Variants in RP1 observed in about 807,000 individuals in gnomAD.
RP1 encodes oxygen-regulated protein 1.
RP1 carries 16 observed loss-of-function variants against 14.8 expected under a neutral mutation model. That is an observed-to-expected ratio of 1.08 (90% confidence interval 0.73 to 1.65). The LOEUF (loss-of-function observed/expected upper bound fraction) is 1.65, where lower values mean the gene tolerates loss of function less well. Among genes scored for constraint, RP1 ranks in the 40% most tolerant of loss-of-function variants. The probability of loss-of-function intolerance (pLI) is 0.00; values close to 1 mark genes in which losing one functional copy is unlikely to be tolerated. For synonymous variants in RP1, 876 were observed against 883.6 expected (o/e 0.99, Z 0.15); for missense variants, 2,631 against 2,535.0 (o/e 1.04, Z -0.81).
intron 15 of RP1, among the ~76,000 whole-genome samples, chr8:54,713,970 A>G (rs978962972): frequency 6.6e-6 from 1 of 152,226 alleles, no homozygotes; most frequent in African/African-American, 2.4e-5. Flanking sequence ...ATTTGACCTA[A>G]CAGATTCCAT....
intron 1 of RP1, among the ~76,000 whole-genome samples, chr8:54,570,977 C>A (rs543455205): frequency 2.0e-5 from 3 of 152,296 alleles, no homozygotes; most frequent in African/African-American, 7.2e-5. Flanking sequence ...GTGGCCTAGG[C>A]AGGCAGGAGG....
chr8:54,660,057 AT>A (rs1806852263), intron 6 of RP1, among the ~76,000 whole-genome samples: 1 of 151,962 alleles, frequency 6.6e-6, no homozygotes, highest in African/African-American at 2.4e-5. Flanking sequence ...TTGAGTGTTG[AT>A]TTTGTTGTTT....
At chr8:54,780,559 A>G (rs1404845343) in intron 23 of RP1, among the ~76,000 whole-genome samples, 2 of 152,204 alleles carry the variant, frequency 1.3e-5, no homozygotes, top group Non-Finnish European at 2.9e-5. Context: ...GCAGATAAAA[A>G]TATTTTTAAA....
At chr8:54,615,518 G>A (rs979647954), upstream of RP1, among the ~76,000 whole-genome samples, 6 of 152,198 alleles carry the variant, frequency 3.9e-5, no homozygotes, top group African/African-American at 1.4e-4. Context: ...ACCCCAGTAT[G>A]AGTAAGGGAA....
intron 22 of RP1, among the ~76,000 whole-genome samples, chr8:54,766,181 C>T (rs1809756299): frequency 6.6e-6 from 1 of 152,002 alleles, no homozygotes; most frequent in South Asian, 2.1e-4. Context: ...AATAAGTCAG[C>T]CTGTCTACAA....
chr8:54,807,662 CT>C (rs1563382173), intron 24 of RP1, among the ~76,000 whole-genome samples: 1 of 55,794 alleles, frequency 1.8e-5, no homozygotes, highest in East Asian at 2.9e-4. Flanking sequence ...ATCTATCTAT[CT>C]ATCTATCTAT....
chr8:54,624,638 G>A (rs752849442), intron 3 of RP1, 32 bp from the exon 4 acceptor site: 2 of 1,610,160 alleles, frequency 1.2e-6, no homozygotes, highest in Non-Finnish European at 1.7e-6. Context: ...ATATTTTGAT[G>A]TGGGCACCTT....
In RP1 at chr8:54,698,345, T is replaced by C. The variant is rs1409873889; in HGVS notation, c.1718-1122T>C. Among the ~76,000 whole-genome samples the C allele has an allele frequency of 3.3e-5, 5 of 152,154 alleles. No individual in the cohort carries two copies. In the South Asian group the frequency reaches 1.0e-3, roughly 32 times the overall value. Reference sequence around the variant, plus strand: ...ATCAAAACCACAATGAGATACCACCTCCAGCCAGTTAGAATGACGATCATT... The same window carrying C: ...ATCAAAACCACAATGAGATACCACCCCCAGCCAGTTAGAATGACGATCATT... On this transcript the variant is annotated intron_variant, in intron 12 of 22. Coordinates refer to the RP1 transcript ENST00000636932.
intron 28 of RP1, among the ~76,000 whole-genome samples, chr8:54,868,963 G>A (rs970753918): frequency 1.3e-5 from 2 of 152,116 alleles, no homozygotes; most frequent in African/African-American, 2.4e-5. Flanking sequence ...TATTGCTGTA[G>A]AGAAAAATCA....
intron 1 of RP1, among the ~76,000 whole-genome samples, chr8:54,596,744 T>G (rs1004663072): frequency 2.0e-5 from 3 of 152,234 alleles, no homozygotes; most frequent in African/African-American, 7.2e-5. Flanking sequence ...TGAACTATGC[T>G]CTGTGTCAGA....
chr8:54,691,465 T>C (rs1166282275), intron 12 of RP1, among the ~76,000 whole-genome samples: 1 of 152,102 alleles, frequency 6.6e-6, no homozygotes, highest in Non-Finnish European at 1.5e-5. Context: ...TTCTAGTTTG[T>C]GCATTCTAAG....
intron 9 of RP1, among the ~76,000 whole-genome samples, chr8:54,679,118 T>C (rs1807364476): frequency 6.6e-6 from 1 of 152,178 alleles, no homozygotes; most frequent in Non-Finnish European, 1.5e-5. Context: ...GATAAATTGA[T>C]CCAGTGAATA....
chr8:54,590,052 T>A (rs560607684), intron 1 of RP1, among the ~76,000 whole-genome samples: 5 of 152,312 alleles, frequency 3.3e-5, no homozygotes, highest in Non-Finnish European at 7.3e-5. Context: ...TCTGCTTCTA[T>A]GAAAGAAGCG....
chr8:54,670,493 ATG>A (rs1807131466), intron 7 of RP1, among the ~76,000 whole-genome samples: 1 of 122,500 alleles, frequency 8.2e-6, no homozygotes, highest in Non-Finnish European at 1.7e-5. Context: ...ATATGTAAGT[ATG>A]TATATATATA....
intron 27 of RP1, among the ~76,000 whole-genome samples, chr8:54,863,026 CCCAGAGTATT>C (rs1812380359): frequency 7.2e-6 from 1 of 138,446 alleles, no homozygotes; most frequent in Admixed American, 7.8e-5. Context: ...CTTCTCTACC[CCCAGAGTATT>C]CCAAATGGAT....
chr8:54,716,342 A>T (rs1186654548), intron 15 of RP1, among the ~76,000 whole-genome samples: 2 of 151,984 alleles, frequency 1.3e-5, no homozygotes, highest in Admixed American at 6.6e-5. Context: ...GTCAATAATA[A>T]TTTTTTTAAA....
intron 22 of RP1, among the ~76,000 whole-genome samples, chr8:54,761,652 A>C (rs944731447): frequency 6.6e-6 from 1 of 152,196 alleles, no homozygotes; most frequent in Non-Finnish European, 1.5e-5. Flanking sequence ...AAAGAATTTT[A>C]GTTTCAAAAT....
At position 54,628,311 on chromosome 8, in the gene RP1, G is replaced by C; in HGVS notation, c.4429G>C (p.Asp1477His). Residue 1477 changes from aspartate (D) to histidine (H), a missense_variant, in exon 4 of 4, where the codon GAT (aspartate) becomes CAT (histidine). By Grantham distance (81) the Asp-to-His change is moderately conservative. Transcript: ENST00000220676. ...SFEELENHDT[D>H]IFNTVVNGGE... Reference sequence around the variant, plus strand: ...TGAAGAATTAGAAAACCATGACACTGATATCTTTAATACAGTGGTAAATGG... The same window carrying C: ...TGAAGAATTAGAAAACCATGACACTCATATCTTTAATACAGTGGTAAATGG... The C allele has an allele frequency of 1.9e-6, 3 of 1,613,844 alleles. No individual in the cohort carries two copies. The highest frequency in any genetic ancestry group is 2.2e-5 in the South Asian group (2 of 91,056).
intron 15 of RP1, among the ~76,000 whole-genome samples, chr8:54,710,539 G>A (rs935653974): frequency 5.9e-5 from 9 of 152,210 alleles, no homozygotes; most frequent in Non-Finnish European, 1.5e-5. Flanking sequence ...AGCCTTTTTG[G>A]CTACCCGCAC....
Sources: gnomAD v4.1 joint callset for allele counts (sites outside exome capture counted in the v4.1 genomes callset) on GRCh38, gnomAD v4.1.1 for gene constraint, MANE v1.5 for transcripts, NCBI Gene and HGNC (gene_info 2026-07-23, HGNC 2026-07-21) for gene names.